SMYD3: variants seen among roughly 807,000 people sequenced by gnomAD.
SMYD3 encodes histone-lysine N-methyltransferase SMYD3.
A neutral mutation model predicts 57.7 loss-of-function variants in SMYD3; 36 were observed. The observed-to-expected ratio is 0.62, with a 90% CI of 0.48 to 0.82. The LOEUF (loss-of-function observed/expected upper bound fraction) is 0.82, where lower values mean the gene tolerates loss of function less well. Among genes scored for constraint, SMYD3 ranks in the 40% least tolerant of loss-of-function variants. The pLI, the probability that SMYD3 is intolerant of heterozygous loss-of-function variation, is 0.00. For synonymous variants in SMYD3, 211 were observed against 195.0 expected (o/e 1.08, Z -0.68); for missense variants, 515 against 538.8 (o/e 0.96, Z 0.44).
chr1:246,238,158 G>T (rs1418362799), intron 5 of SMYD3, among the ~76,000 whole-genome samples: 1 of 151,936 alleles, frequency 6.6e-6, no homozygotes, highest in African/African-American at 2.4e-5. Flanking sequence ...CAACCTCCCG[G>T]GCTCAAGCAA....
At chr1:246,229,995 T>C (rs1051655633) in intron 5 of SMYD3, among the ~76,000 whole-genome samples, 3 of 152,188 alleles carry the variant, frequency 2.0e-5, no homozygotes, top group Admixed American at 2.0e-4. Flanking sequence ...TTTTTCCAAG[T>C]GTTAAGCAGG....
chr1:245,824,522 G>A (rs2049359010), intron 10 of SMYD3, among the ~76,000 whole-genome samples: 1 of 152,078 alleles, frequency 6.6e-6, no homozygotes, highest in Admixed American at 6.5e-5. Flanking sequence ...TTCGAGACCA[G>A]CCTGGCCAAC....
chr1:246,405,726 A>G (rs903480949), intron 1 of SMYD3, among the ~76,000 whole-genome samples: 20 of 151,758 alleles, frequency 1.3e-4, no homozygotes, highest in Non-Finnish European at 2.2e-4. Flanking sequence ...GGCTAATACG[A>G]TGAAACCCCG....
intron 1 of SMYD3, among the ~76,000 whole-genome samples, chr1:246,406,709 A>G (rs2066871437): frequency 6.6e-6 from 1 of 152,204 alleles, no homozygotes; most frequent in Admixed American, 6.5e-5. Flanking sequence ...GGAGACACTT[A>G]GAGGTTAGGT....
At chr1:246,116,635 G>A (rs1305825866) in intron 5 of SMYD3, among the ~76,000 whole-genome samples, 1 of 152,178 alleles carries the variant, frequency 6.6e-6, no homozygotes, top group Non-Finnish European at 1.5e-5. Flanking sequence ...CTATCTTACT[G>A]TCCTGAATCA....
intron 5 of SMYD3, among the ~76,000 whole-genome samples, chr1:246,014,216 G>A (rs1327942622): frequency 1.3e-5 from 2 of 152,200 alleles, no homozygotes; most frequent in East Asian, 1.9e-4. Context: ...CAACTACTCA[G>A]AAGGCTAAGG....
intron 5 of SMYD3, among the ~76,000 whole-genome samples, chr1:246,126,104 C>T (rs1251745062): frequency 3.3e-5 from 5 of 152,222 alleles, no homozygotes; most frequent in Admixed American, 1.3e-4. Context: ...TACTTACACA[C>T]AGCGCAGTGC....
At chr1:246,374,124 C>A (rs1184990851) in intron 1 of SMYD3, among the ~76,000 whole-genome samples, 1 of 152,062 alleles carries the variant, frequency 6.6e-6, no homozygotes, top group Non-Finnish European at 1.5e-5. Context: ...ATTGCCAGAG[C>A]CGGGGAATAA....
At chr1:245,849,496 T>C (rs2050843097) in intron 10 of SMYD3, among the ~76,000 whole-genome samples, 1 of 152,164 alleles carries the variant, frequency 6.6e-6, no homozygotes, top group Non-Finnish European at 1.5e-5. Context: ...CAGGTGGCAC[T>C]GCCACTTAGG....
chr1:245,863,779 A>T lies in SMYD3; in HGVS notation c.901+20T>A, dbSNP rs2051681253. 6.2e-7 allele frequency: 1 copy of T among 1,609,450 alleles called. No homozygotes were observed. The highest frequency in any genetic ancestry group is 8.5e-7 in the Non-Finnish European group (1 of 1,176,084). On this transcript the variant is annotated intron_variant, in intron 9 of 11. Coordinates refer to ENST00000490107, the MANE Select transcript of SMYD3 (RefSeq NM_001167740.2). ...GAAACAATCCCAACAGTCCACCTCA[A>T]TCCACAGGCGAAAGGATACTCCAGT...
At chr1:246,127,371 T>A (rs968139140) in intron 5 of SMYD3, among the ~76,000 whole-genome samples, 2 of 152,136 alleles carry the variant, frequency 1.3e-5, no homozygotes, top group African/African-American at 4.8e-5. Flanking sequence ...GCCCAAGTAT[T>A]TTCAGAAATA....
intron 7 of SMYD3, among the ~76,000 whole-genome samples, chr1:245,916,955 A>C (rs2055471482): frequency 6.6e-6 from 1 of 151,952 alleles, no homozygotes; most frequent in Non-Finnish European, 1.5e-5. Flanking sequence ...GTCAAGAAAC[A>C]AAGTCAATAT....
intron 5 of SMYD3, among the ~76,000 whole-genome samples, chr1:246,324,125 C>T (rs1486251473): frequency 6.6e-6 from 1 of 152,018 alleles, no homozygotes; most frequent in Non-Finnish European, 1.5e-5. Context: ...ATTAGATGGT[C>T]TAAAACTGGC....
intron 1 of SMYD3, among the ~76,000 whole-genome samples, chr1:246,495,724 T>C (rs1290910112): frequency 1.3e-5 from 2 of 151,986 alleles, no homozygotes; most frequent in African/African-American, 2.4e-5. Context: ...GGGGATCACT[T>C]GAGCTCAGGA....
At chr1:245,902,631 C>T (rs957559428) in intron 8 of SMYD3, among the ~76,000 whole-genome samples, 3 of 152,232 alleles carry the variant, frequency 2.0e-5, no homozygotes, top group African/African-American at 7.2e-5. Flanking sequence ...CATGTGCCAA[C>T]AAGGGGCCTA....
intron 8 of SMYD3, among the ~76,000 whole-genome samples, chr1:245,906,081 G>T (rs552744561): frequency 6.6e-6 from 1 of 152,186 alleles, no homozygotes; most frequent in African/African-American, 2.4e-5. Context: ...ACACTGGGCT[G>T]GGCAAAGATA....
At chr1:246,240,787 G>A (rs938136245) in intron 5 of SMYD3, among the ~76,000 whole-genome samples, 31 of 152,050 alleles carry the variant, frequency 2.0e-4, no homozygotes, top group African/African-American at 6.3e-4. Context: ...TTTGTGGTTC[G>A]CCTTGAACAG....
intron 1 of SMYD3, among the ~76,000 whole-genome samples, chr1:246,458,135 G>A (rs927461701): frequency 6.6e-6 from 1 of 152,080 alleles, no homozygotes. Flanking sequence ...AGACTTCCCT[G>A]ATGGCAGGTC....
chr1:245,905,468 G>A (rs1353289121), intron 8 of SMYD3, among the ~76,000 whole-genome samples: 1 of 152,238 alleles, frequency 6.6e-6, no homozygotes, highest in African/African-American at 2.4e-5. Context: ...AGGGGTAAAG[G>A]TGGCTGCGGG....
Sources: allele counts gnomAD v4.1 joint callset (sites outside exome capture counted in the v4.1 genomes callset), GRCh38; gene constraint gnomAD v4.1.1; transcripts MANE v1.5; gene names NCBI Gene and HGNC (gene_info 2026-07-23, HGNC 2026-07-21).